Variants in TMEM45B observed in about 807,000 individuals in gnomAD.
TMEM45B encodes transmembrane protein 45B.
A neutral mutation model predicts 27.3 loss-of-function variants in TMEM45B; 29 were observed. That is an observed-to-expected ratio of 1.06 (90% CI 0.79 to 1.45). TMEM45B has a LOEUF of 1.45. Among genes scored for constraint, TMEM45B ranks in the 40% most tolerant of loss-of-function variants. TMEM45B has a pLI of 0.00. For missense variants in TMEM45B, 348 were observed against 343.9 expected (o/e 1.01, Z -0.09); for synonymous variants, 143 against 134.7 (o/e 1.06, Z -0.43).
At position 129,859,320 on chromosome 11, in the gene TMEM45B, T is replaced by C. The variant is rs141118478; in HGVS notation, c.*635T>C. The C allele has an allele frequency of 1.9e-3, 286 of 152,294 alleles. 2 individuals carry two copies. Among genetic ancestry groups the C allele is most frequent in the African/African-American group, 6.0e-3 (250 of 41,562 alleles). The allele number at this position is 152,294 out of a possible 1,614,324, so 9.4% of individuals were successfully genotyped here. The stretch of plus-strand genomic sequence containing the variant: ...GTGATTTTTTTTTAAATCAGGAAGC[T>C]GGTTACTGGCTCTACTGAGAGTTGG... On this transcript the variant is annotated 3_prime_UTR_variant, in exon 6 of 6. Coordinates refer to ENST00000281441, the MANE Select transcript of TMEM45B (RefSeq NM_138788.5).
intron 1 of TMEM45B, among the ~76,000 whole-genome samples, chr11:129,839,068 C>G (rs1947658956): frequency 6.6e-6 from 1 of 152,166 alleles, no homozygotes. Context: ...TCCATTTTCT[C>G]TTTCTGACTC....
chr11:129,823,671 G>A (rs1947447482), intron 1 of TMEM45B, among the ~76,000 whole-genome samples: 1 of 152,056 alleles, frequency 6.6e-6, no homozygotes, highest in Admixed American at 6.5e-5. Flanking sequence ...TCTCAAATCT[G>A]ATGGTATGGA....
intron 1 of TMEM45B, among the ~76,000 whole-genome samples, chr11:129,822,422 G>T (rs184883026): frequency 6.6e-6 from 1 of 152,276 alleles, no homozygotes; most frequent in African/African-American, 2.4e-5. Context: ...ATGGCTTGTA[G>T]GTTGGCTGGC....
intron 3 of TMEM45B, among the ~76,000 whole-genome samples, chr11:129,855,159 G>A (rs766135158): frequency 6.6e-6 from 1 of 152,068 alleles, no homozygotes; most frequent in Non-Finnish European, 1.5e-5. Context: ...ATACACATGC[G>A]GGTACACACA....
chr11:129,817,035 C>G (rs1449491174), intron 1 of TMEM45B, among the ~76,000 whole-genome samples: 11 of 151,944 alleles, frequency 7.2e-5, no homozygotes, highest in Non-Finnish European at 1.6e-4. Flanking sequence ...CGTGAACCAC[C>G]GCGCCCAGCT....
rs773638777 is a variant in TMEM45B at position 129,858,572 on chromosome 11, A to G, written c.717-2A>G. 1 of 1,577,458 alleles carries G rather than the reference A, an allele frequency of 6.3e-7. No homozygotes were observed. The highest frequency in any genetic ancestry group is 8.6e-7 in the Non-Finnish European group (1 of 1,159,876). Reference sequence around the variant, plus strand: ...TTGGCTCTTACTCTTTCTCTATTAAAGCCTTTTGACTCGGATGAAGAGACA... The same window carrying G: ...TTGGCTCTTACTCTTTCTCTATTAAGGCCTTTTGACTCGGATGAAGAGACA... On this transcript the variant is annotated splice_acceptor_variant, in intron 5 of 5. Coordinates refer to ENST00000281441, the MANE Select transcript of TMEM45B (RefSeq NM_138788.5). LOFTEE classifies it high-confidence loss of function.
intron 1 of TMEM45B, among the ~76,000 whole-genome samples, chr11:129,849,608 C>T (rs1947815926): frequency 6.6e-6 from 1 of 152,210 alleles, no homozygotes; most frequent in Admixed American, 6.5e-5. Context: ...ACAGCTCATA[C>T]AGTATGCATA....
At chr11:129,829,208 G>T (rs1947520963) in intron 1 of TMEM45B, among the ~76,000 whole-genome samples, 1 of 152,182 alleles carries the variant, frequency 6.6e-6, no homozygotes, top group Non-Finnish European at 1.5e-5. Flanking sequence ...ATTCTATTAT[G>T]TGACTATATT....
At chr11:129,843,116 T>G (rs979430147) in intron 1 of TMEM45B, among the ~76,000 whole-genome samples, 1 of 152,328 alleles carries the variant, frequency 6.6e-6, no homozygotes, top group Middle Eastern at 3.4e-3. Context: ...ATTTTTTGTA[T>G]TTTTGGTAGA....
intron 1 of TMEM45B, among the ~76,000 whole-genome samples, chr11:129,843,562 G>T (rs1947721939): frequency 6.6e-6 from 1 of 150,824 alleles, no homozygotes; most frequent in Admixed American, 6.6e-5. Flanking sequence ...TGTTGTTATA[G>T]CATTGTAGTC....
At chr11:129,852,920 C>G (rs1371679471) in intron 2 of TMEM45B, 1 of 337,264 alleles carries the variant, frequency 3.0e-6, no homozygotes, top group Non-Finnish European at 5.3e-6. Flanking sequence ...GTTGTAGGAG[C>G]AAAACACCCA....
intron 1 of TMEM45B, among the ~76,000 whole-genome samples, chr11:129,838,062 G>A (rs866616240): frequency 1.3e-5 from 2 of 152,016 alleles, no homozygotes; most frequent in East Asian, 1.9e-4. Context: ...GATTACAGGC[G>A]TGAGCCACCG....
intron 1 of TMEM45B, among the ~76,000 whole-genome samples, chr11:129,819,111 T>G (rs1233345723): frequency 2.0e-5 from 3 of 152,242 alleles, no homozygotes; most frequent in Admixed American, 2.0e-4. Context: ...GTTATTATAG[T>G]GGCTAAAGTT....
intron 1 of TMEM45B, 91 bp downstream of exon 1, chr11:129,815,989 G>A: frequency 1.6e-6 from 2 of 1,244,858 alleles, no homozygotes; most frequent in Non-Finnish European, 2.0e-6. Context: ...GTGATGGAGA[G>A]GAGGTTCCGA....
At chr11:129,847,506 A>G (rs1947778458) in intron 1 of TMEM45B, among the ~76,000 whole-genome samples, 1 of 151,256 alleles carries the variant, frequency 6.6e-6, no homozygotes, top group South Asian at 2.1e-4. Flanking sequence ...GTCAGCAGAT[A>G]AACAAGTGAA....
At chr11:129,838,313 C>T (rs1365920210) in intron 1 of TMEM45B, among the ~76,000 whole-genome samples, 6 of 152,038 alleles carry the variant, frequency 3.9e-5, no homozygotes, top group Non-Finnish European at 8.8e-5. Flanking sequence ...GCAGTGTCCC[C>T]GGTCTCCACC....
intron 1 of TMEM45B, among the ~76,000 whole-genome samples, chr11:129,844,822 A>G (rs1174908600): frequency 6.6e-6 from 1 of 152,234 alleles, no homozygotes; most frequent in African/African-American, 2.4e-5. Context: ...GATCATACCA[A>G]TCATTTCACA....
At chr11:129,848,637 G>T (rs1276238038) in intron 1 of TMEM45B, among the ~76,000 whole-genome samples, 1 of 152,194 alleles carries the variant, frequency 6.6e-6, no homozygotes, top group Non-Finnish European at 1.5e-5. Context: ...CTGTGTCCAG[G>T]GTTGGAATAT....
intron 1 of TMEM45B, among the ~76,000 whole-genome samples, chr11:129,833,538 G>A (rs1310059277): frequency 6.6e-6 from 1 of 152,138 alleles, no homozygotes; most frequent in East Asian, 1.9e-4. Context: ...ACTTTGGGAG[G>A]CTGAGGCGGG....
Sources: allele counts gnomAD v4.1 joint callset (sites outside exome capture counted in the v4.1 genomes callset), GRCh38; gene constraint gnomAD v4.1.1; transcripts MANE v1.5; gene names NCBI Gene and HGNC (gene_info 2026-07-23, HGNC 2026-07-21).